Variants in DNM3 observed in about 807,000 individuals in gnomAD.
The protein encoded by DNM3 is dynamin 3.
A neutral mutation model predicts 101.6 loss-of-function variants in DNM3; 47 were observed. The ratio of observed to expected loss-of-function variants is 0.46; its 90% confidence interval spans 0.37 to 0.59. The LOEUF (loss-of-function observed/expected upper bound fraction) is 0.59, where lower values mean the gene tolerates loss of function less well. DNM3 is among the 20% of genes least tolerant of loss of function. DNM3 has a pLI of 0.00. For missense variants in DNM3, 849 were observed against 1,085.7 expected (o/e 0.78, Z 3.06); for synonymous variants, 385 against 387.9 (o/e 0.99, Z 0.09).
At chr1:172,305,526 A>G (rs1202044785) in intron 15 of DNM3, among the ~76,000 whole-genome samples, 1 of 152,226 alleles carries the variant, frequency 6.6e-6, no homozygotes, top group East Asian at 1.9e-4. Context: ...TCCCTAACTC[A>G]TTTCATGAGT....
chr1:171,991,091 G>A (rs1447650170), intron 4 of DNM3, among the ~76,000 whole-genome samples: 5 of 152,088 alleles, frequency 3.3e-5, no homozygotes, highest in Admixed American at 1.3e-4. Flanking sequence ...CGTAGTCCAC[G>A]TAGAAAAAAC....
chr1:172,009,671 G>T (rs1030880305), intron 4 of DNM3, among the ~76,000 whole-genome samples: 1 of 151,340 alleles, frequency 6.6e-6, no homozygotes, highest in South Asian at 2.1e-4. Flanking sequence ...GATTAGGAGA[G>T]AACTGACTTA....
intron 14 of DNM3, among the ~76,000 whole-genome samples, chr1:172,185,878 CT>C (rs1419825491): frequency 2.0e-5 from 3 of 152,008 alleles, no homozygotes; most frequent in African/African-American, 4.8e-5. Context: ...CACATTTTGA[CT>C]TTTTTGTCTG....
intron 14 of DNM3, among the ~76,000 whole-genome samples, chr1:172,174,952 C>G (rs2059103523): frequency 6.6e-6 from 1 of 151,700 alleles, no homozygotes; most frequent in South Asian, 2.1e-4. Context: ...ATAGTGGGAT[C>G]AGCATCAAGT....
At chr1:172,244,031 A>G (rs2061849225) in intron 14 of DNM3, among the ~76,000 whole-genome samples, 1 of 151,850 alleles carries the variant, frequency 6.6e-6, no homozygotes, top group African/African-American at 2.4e-5. Context: ...TCACCCCACA[A>G]CAGTCCCCAG....
chr1:172,021,083 T>C (rs1433744528), intron 4 of DNM3, among the ~76,000 whole-genome samples: 1 of 152,258 alleles, frequency 6.6e-6, no homozygotes, highest in African/African-American at 2.4e-5. Context: ...GGTTGGTTTT[T>C]CAGTTTGTTC....
At chr1:172,232,888 A>T (rs1452430147) in intron 14 of DNM3, among the ~76,000 whole-genome samples, 1 of 152,238 alleles carries the variant, frequency 6.6e-6, no homozygotes, top group Non-Finnish European at 1.5e-5. Flanking sequence ...CATTTAAAGC[A>T]GTGTGTAGAG....
rs191111886 is a variant in DNM3, at chr1:172,175,718, A to G, written c.1659+44430A>G. 4.2e-3 allele frequency among the ~76,000 whole-genome samples: 633 copies of G among 151,956 alleles called. 16 individuals carry two copies. The highest frequency in any genetic ancestry group is 0.037 in the Admixed American group (569 of 15,202). On this transcript the variant is annotated intron_variant, in intron 14 of 20. Coordinates refer to ENST00000627582, the MANE Select transcript of DNM3 (RefSeq NM_015569.5). ...ATTTTATTATAACAAATTTCACACG[A>G]TCAAATGTTGAAAGAATTTTACATT...
Position 172,186,603 on chromosome 1 carries a change from G to C in DNM3, c.1659+55315G>C, listed in dbSNP as rs375752379. The stretch of plus-strand genomic sequence containing the variant: ...CAGAATCCAGGCATCTGCCTCTTTT[G>C]ATACAAAGGCTGCTACTTCTTGCTT... On this transcript the variant is annotated intron_variant, in intron 14 of 20. Transcript: ENST00000627582. Among the ~76,000 whole-genome samples the C allele has an allele frequency of 5.9e-5, 9 of 152,158 alleles. No individual in the cohort carries two copies. The East Asian group carries it at 1.7e-3, about 30-fold the overall frequency.
At chr1:172,173,621 T>A (rs2059046797) in intron 14 of DNM3, among the ~76,000 whole-genome samples, 1 of 151,508 alleles carries the variant, frequency 6.6e-6, no homozygotes, top group Non-Finnish European at 1.5e-5. Context: ...AAAAGAGAGC[T>A]TGAAGTCCCC....
intron 1 of DNM3, among the ~76,000 whole-genome samples, chr1:171,893,509 A>G (rs1450008037): frequency 1.3e-5 from 2 of 151,626 alleles, no homozygotes; most frequent in African/African-American, 4.8e-5. Context: ...GCTGGAGTGC[A>G]GTGGCTTGAT....
chr1:172,197,003 A>G (rs2059975417), intron 14 of DNM3, among the ~76,000 whole-genome samples: 1 of 152,042 alleles, frequency 6.6e-6, no homozygotes, highest in African/African-American at 2.4e-5. Context: ...CCAGGATAGC[A>G]TTGCCTAGGT....
At chr1:171,906,884 TAG>T (rs1334900162) in intron 1 of DNM3, among the ~76,000 whole-genome samples, 2 of 152,234 alleles carry the variant, frequency 1.3e-5, no homozygotes, top group African/African-American at 4.8e-5. Context: ...TCATGAGATT[TAG>T]AGAGACGATG....
intron 13 of DNM3, among the ~76,000 whole-genome samples, chr1:172,114,660 T>C (rs916462778): frequency 6.6e-6 from 1 of 152,148 alleles, no homozygotes; most frequent in African/African-American, 2.4e-5. Flanking sequence ...ACAAGTACTG[T>C]TTAGTGCTCT....
chr1:172,396,979 T>TAAG (rs1442683988), intron 20 of DNM3, among the ~76,000 whole-genome samples: 1 of 152,218 alleles, frequency 6.6e-6, no homozygotes, highest in African/African-American at 2.4e-5. Context: ...TGTATTTTTT[T>TAAG]AAGTTTATAT....
In DNM3 at chr1:172,409,547, T is replaced by C; in HGVS notation, c.*1706T>C. 1.0e-6 allele frequency: 1 copy of C among 984,536 alleles called. No individual in the cohort carries two copies. Among genetic ancestry groups the C allele is most frequent in the Non-Finnish European group, 1.2e-6 (1 of 829,160 alleles). 61.0% of individuals were successfully genotyped at this position (984,536 alleles called of 1,614,324 possible). On this transcript the variant is annotated 3_prime_UTR_variant, in exon 21 of 21. Coordinates refer to ENST00000627582, the MANE Select transcript of DNM3 (RefSeq NM_015569.5). ...GGTTACCAGTGATTGTATAAAAACA[T>C]CACAATCCTAAATCCTCTCGTATCT...
At chr1:172,035,116 T>C (rs1285630086) in intron 6 of DNM3, among the ~76,000 whole-genome samples, 1 of 151,972 alleles carries the variant, frequency 6.6e-6, no homozygotes, top group Non-Finnish European at 1.5e-5. Context: ...TCAGGAAAAT[T>C]GAGGACTAGG....
At chr1:171,871,182 G>A (rs1461090474) in intron 1 of DNM3, among the ~76,000 whole-genome samples, 6 of 152,156 alleles carry the variant, frequency 3.9e-5, no homozygotes, top group African/African-American at 1.4e-4. Flanking sequence ...GACATGATGT[G>A]CAATTATGTA....
intron 17 of DNM3, among the ~76,000 whole-genome samples, chr1:172,337,582 G>T (rs182401632): frequency 6.6e-6 from 1 of 152,252 alleles, no homozygotes; most frequent in Admixed American, 6.5e-5. Context: ...CGTAATTCCT[G>T]AATTTATTTG....
Sources: gnomAD v4.1 joint callset for allele counts (sites outside exome capture counted in the v4.1 genomes callset) on GRCh38, gnomAD v4.1.1 for gene constraint, MANE v1.5 for transcripts, NCBI Gene and HGNC (gene_info 2026-07-23, HGNC 2026-07-21) for gene names.